Variants in RARB observed in about 807,000 individuals in gnomAD.
The protein encoded by RARB is retinoic acid receptor beta.
RARB carries 17 observed loss-of-function variants against 51.9 expected under a neutral mutation model. That is an observed-to-expected ratio of 0.33 (90% CI 0.22 to 0.49). The LOEUF (loss-of-function observed/expected upper bound fraction) is 0.49, where lower values mean the gene tolerates loss of function less well. RARB is among the 20% of genes least tolerant of loss of function. The pLI, the probability that RARB is intolerant of heterozygous loss-of-function variation, is 0.99. For missense variants in RARB, 369 were observed against 550.8 expected, an observed-to-expected ratio of 0.67 and a Z score of 3.30; for synonymous variants, 215 against 195.4, an observed-to-expected ratio of 1.10 and a Z score of -0.84.
At chr3:25,559,855 A>G (rs1275696916) in intron 3 of RARB, among the ~76,000 whole-genome samples, 1 of 152,158 alleles carries the variant, frequency 6.6e-6, no homozygotes, top group African/African-American at 2.4e-5. Context: ...GCTGCATTGG[A>G]TAGTTGGAAG....
At chr3:25,443,486 C>T (rs761056058) in intron 1 of RARB, among the ~76,000 whole-genome samples, 1 of 151,742 alleles carries the variant, frequency 6.6e-6, no homozygotes, top group Non-Finnish European at 1.5e-5. Context: ...CTAAAGCGCG[C>T]CGGTAATCTC....
intron 4 of RARB, among the ~76,000 whole-genome samples, chr3:25,171,643 T>TTAAAAAA (rs1553639737): frequency 4.4e-5 from 2 of 45,472 alleles, no homozygotes; most frequent in African/African-American, 8.1e-5. Context: ...CCCTGGTTGG[T>TTAAAAAA]AAAAAAAAAA....
At chr3:25,424,407 A>G (rs897062204), upstream of RARB, among the ~76,000 whole-genome samples, 2 of 152,190 alleles carry the variant, frequency 1.3e-5, no homozygotes, top group African/African-American at 4.8e-5. Flanking sequence ...GCCTGCTAGT[A>G]TGGAAGCCCT....
intron 2 of RARB, among the ~76,000 whole-genome samples, chr3:24,941,834 A>C (rs1315241168): frequency 1.3e-5 from 2 of 152,204 alleles, no homozygotes; most frequent in Non-Finnish European, 2.9e-5. Flanking sequence ...TATCTATAGG[A>C]AGTAGCTTGC....
At chr3:25,094,716 C>CAAA (rs57477720) in intron 3 of RARB, among the ~76,000 whole-genome samples, 2,646 of 41,808 alleles carry the variant, frequency 0.063, 240 homozygotes, top group African/African-American at 0.1. Flanking sequence ...GACCCCATCT[C>CAAA]AAAAAAAAAA....
intron 1 of RARB, among the ~76,000 whole-genome samples, chr3:24,843,374 C>A (rs1187509571): frequency 6.6e-6 from 1 of 152,154 alleles, no homozygotes; most frequent in Admixed American, 6.5e-5. Context: ...ATCTTTAATA[C>A]TTACTAGCTG....
chr3:25,279,070 T>C (rs973395914), intron 5 of RARB, among the ~76,000 whole-genome samples: 2 of 152,208 alleles, frequency 1.3e-5, no homozygotes, highest in East Asian at 3.8e-4. Flanking sequence ...CATGCAGGGC[T>C]TTATGATTTT....
chr3:25,380,798 C>T (rs977701945), intron 5 of RARB, among the ~76,000 whole-genome samples: 10 of 152,198 alleles, frequency 6.6e-5, no homozygotes, highest in Non-Finnish European at 8.8e-5. Flanking sequence ...TCCTCCTCTT[C>T]TCATGTCCTC....
At chr3:24,978,444 C>G (rs12635527) in intron 2 of RARB, among the ~76,000 whole-genome samples, 29,168 of 151,996 alleles carry the variant, frequency 0.19, 3,493 homozygotes, top group East Asian at 0.3. Context: ...CTGTTATTGG[C>G]CTATTCACAG....
chr3:24,868,278 AC>A (rs1454286424), intron 2 of RARB, among the ~76,000 whole-genome samples: 1 of 152,188 alleles, frequency 6.6e-6, no homozygotes, highest in African/African-American at 2.4e-5. Context: ...AATGTAATAC[AC>A]AACAAGAATA....
intron 5 of RARB, among the ~76,000 whole-genome samples, chr3:25,347,968 T>C (rs1473725814): frequency 2.0e-5 from 3 of 152,170 alleles, no homozygotes; most frequent in Non-Finnish European, 4.4e-5. Context: ...TAGTCTAGAT[T>C]CCTTGAGGGC....
chr3:25,015,564 T>G (rs188611981), intron 2 of RARB, among the ~76,000 whole-genome samples: 9 of 152,246 alleles, frequency 5.9e-5, no homozygotes, highest in Admixed American at 5.9e-4. Context: ...AATTCCAAAC[T>G]GATACAAAGG....
intron 3 of RARB, among the ~76,000 whole-genome samples, chr3:25,568,674 C>G (rs2125283795): frequency 1.3e-5 from 2 of 152,342 alleles, no homozygotes; most frequent in South Asian, 4.1e-4. Flanking sequence ...AGGGAGGCAA[C>G]TCAGGCCAGA....
intron 4 of RARB, among the ~76,000 whole-genome samples, chr3:25,133,608 C>G (rs1336506743): frequency 6.6e-6 from 1 of 151,988 alleles, no homozygotes; most frequent in Non-Finnish European, 1.5e-5. Flanking sequence ...AATAAGTCAG[C>G]CTTTTTTTCT....
intron 5 of RARB, among the ~76,000 whole-genome samples, chr3:25,176,153 G>A (rs905862890): frequency 3.9e-5 from 6 of 152,020 alleles, no homozygotes; most frequent in African/African-American, 1.4e-4. Flanking sequence ...AAGAAGTTGA[G>A]ATATGAGTAG....
At chr3:25,332,752 G>T (rs532906931) in intron 5 of RARB, among the ~76,000 whole-genome samples, 118 of 152,280 alleles carry the variant, frequency 7.7e-4, no homozygotes, top group African/African-American at 2.7e-3. Context: ...GTTTGCAGAT[G>T]ACATGATTGT....
intron 5 of RARB, among the ~76,000 whole-genome samples, chr3:25,245,919 A>G (rs535411888): frequency 6.6e-5 from 10 of 152,296 alleles, no homozygotes; most frequent in African/African-American, 1.2e-4. Context: ...GTGTTTTCCA[A>G]CTTAATTCCA....
chr3:24,873,477 T>A (rs1702983989), intron 2 of RARB, among the ~76,000 whole-genome samples: 1 of 152,080 alleles, frequency 6.6e-6, no homozygotes, highest in South Asian at 2.1e-4. Context: ...CCATTCTTGT[T>A]TCTTAGTTAT....
intron 5 of RARB, among the ~76,000 whole-genome samples, chr3:25,217,535 G>C (rs937448025): frequency 1.1e-4 from 16 of 151,896 alleles, no homozygotes; most frequent in African/African-American, 3.4e-4. Context: ...GTATGGCCAA[G>C]GGAGGCAAGA....
Sources: gnomAD v4.1 joint callset for allele counts (sites outside exome capture counted in the v4.1 genomes callset) on GRCh38, gnomAD v4.1.1 for gene constraint, MANE v1.5 for transcripts, NCBI Gene and HGNC (gene_info 2026-07-23, HGNC 2026-07-21) for gene names.